FMO3: variants seen among roughly 807,000 people sequenced by gnomAD.
The protein encoded by FMO3 is flavin-containing monooxygenase 3.
A neutral mutation model predicts 39.4 loss-of-function variants in FMO3; 40 were observed. The observed-to-expected ratio is 1.02, with a 90% CI of 0.79 to 1.32. The LOEUF is 1.32. FMO3 is among the 40% of genes most tolerant of loss of function. The probability of loss-of-function intolerance (pLI) is 0.00; values close to 1 mark genes in which losing one functional copy is unlikely to be tolerated. For missense variants in FMO3, 680 were observed against 651.8 expected, an observed-to-expected ratio of 1.04 and a Z score of -0.47; for synonymous variants, 219 against 228.8, an observed-to-expected ratio of 0.96 and a Z score of 0.39.
At chr1:171,101,076 C>T (rs904926158) in intron 2 of FMO3, 1 of 455,798 alleles carries the variant, frequency 2.2e-6, no homozygotes, top group Admixed American at 2.4e-5. Flanking sequence ...TTGATGATGG[C>T]CAGAGGAGCC....
intron 6 of FMO3, among the ~76,000 whole-genome samples, chr1:171,111,867 G>A (rs1202904574): frequency 2.0e-5 from 3 of 152,188 alleles, no homozygotes; most frequent in East Asian, 3.9e-4. Flanking sequence ...TCTAAGTGGT[G>A]GGAAACAGAC....
intron 1 of FMO3, 91 bp from the exon 2 acceptor site, chr1:171,092,562 G>T: frequency 6.7e-7 from 1 of 1,488,732 alleles, no homozygotes; most frequent in Non-Finnish European, 9.3e-7. Flanking sequence ...TTTTTATTAA[G>T]CCAAAGAGCG....
intron 2 of FMO3, among the ~76,000 whole-genome samples, chr1:171,096,010 T>A (rs1274305156): frequency 1.9e-5 from 1 of 53,768 alleles, no homozygotes; most frequent in Non-Finnish European, 3.0e-5. Context: ...TATATTAATA[T>A]ACATATTATA....
chr1:171,098,349 G>C (rs1382314375), intron 2 of FMO3, among the ~76,000 whole-genome samples: 1 of 152,130 alleles, frequency 6.6e-6, no homozygotes, highest in Non-Finnish European at 1.5e-5. Flanking sequence ...AGCTTGATGG[G>C]GATGGCATTG....
chr1:171,109,526 C>CTTTCTTT (rs1655803604), intron 5 of FMO3, among the ~76,000 whole-genome samples: 1 of 58,994 alleles, frequency 1.7e-5, no homozygotes, highest in Non-Finnish European at 2.9e-5. Flanking sequence ...TTAGTCTCTT[C>CTTTCTTT]TTTTTTTTTT....
rs1279445358 is a variant in FMO3 at position 171,092,648 on chromosome 1, C to A, written c.-6-5C>A. On this transcript the variant is annotated splice_region_variant and splice_polypyrimidine_tract_variant and intron_variant, in intron 1 of 8. Transcript: ENST00000367755. ...ACTGGAAATGTTCTCTGGGCCTTTGCACAGGTTACCATGGGGAAGAAAGTG... is the reference window on the plus strand; with the variant it reads ...ACTGGAAATGTTCTCTGGGCCTTTGAACAGGTTACCATGGGGAAGAAAGTG... 3 of 1,614,080 alleles carry A rather than the reference C, an allele frequency of 1.9e-6. No homozygotes were observed. The Admixed American group carries it at 5.0e-5, about 27-fold the overall frequency.
chr1:171,102,812 A>C (rs1557938666), intron 2 of FMO3, among the ~76,000 whole-genome samples: 1 of 152,162 alleles, frequency 6.6e-6, no homozygotes, highest in South Asian at 2.1e-4. Flanking sequence ...CATTTCCTCT[A>C]AGGCTTTATT....
intron 3 of FMO3, among the ~76,000 whole-genome samples, chr1:171,104,383 A>G (rs1361573606): frequency 1.3e-5 from 2 of 152,132 alleles, no homozygotes; most frequent in Admixed American, 6.5e-5. Flanking sequence ...CTATATTTTC[A>G]TGAAAATTAT....
chr1:171,116,093 T>C (rs929851057), intron 7 of FMO3, 115 bp from the exon 8 acceptor site: 1 of 713,676 alleles, frequency 1.4e-6, no homozygotes, highest in Non-Finnish European at 2.6e-6. Flanking sequence ...TTGGTGTCTG[T>C]CTGAAAATGA....
chr1:171,110,470 C>CTTTGA (rs1285606870), intron 5 of FMO3, among the ~76,000 whole-genome samples: 1 of 152,128 alleles, frequency 6.6e-6, no homozygotes, highest in Admixed American at 6.5e-5. Flanking sequence ...AATACTTCCA[C>CTTTGA]AGGAAGGGAA....
chr1:171,102,396 C>T (rs1010503704), intron 2 of FMO3, among the ~76,000 whole-genome samples: 1 of 152,128 alleles, frequency 6.6e-6, no homozygotes, highest in Non-Finnish European at 1.5e-5. Flanking sequence ...AGAGCTAAAC[C>T]AAGGCTCCAC....
At chr1:171,116,775 A>G (rs1017965384) in intron 8 of FMO3, among the ~76,000 whole-genome samples, 1 of 152,246 alleles carries the variant, frequency 6.6e-6, no homozygotes, top group Non-Finnish European at 1.5e-5. Flanking sequence ...GAACTATTAT[A>G]GAAGGGTCAT....
chr1:171,098,307 G>C (rs1655200084), intron 2 of FMO3, among the ~76,000 whole-genome samples: 1 of 152,138 alleles, frequency 6.6e-6, no homozygotes, highest in Non-Finnish European at 1.5e-5. Context: ...CTTTAAAGTA[G>C]TTTTTTCAAT....
intron 6 of FMO3, among the ~76,000 whole-genome samples, chr1:171,113,416 A>C (rs375467364): frequency 6.6e-6 from 1 of 152,190 alleles, no homozygotes; most frequent in South Asian, 2.1e-4. Context: ...TGCAGCTCTC[A>C]CACCTTTGAC....
chr1:171,099,241 G>A (rs1013327983), intron 2 of FMO3, among the ~76,000 whole-genome samples: 1 of 152,144 alleles, frequency 6.6e-6, no homozygotes, highest in Non-Finnish European at 1.5e-5. Context: ...GTTCTAGTTT[G>A]ATTGCACTGT....
intron 6 of FMO3, among the ~76,000 whole-genome samples, chr1:171,113,152 C>G (rs905174810): frequency 2.0e-5 from 3 of 151,962 alleles, no homozygotes; most frequent in Non-Finnish European, 4.4e-5. Flanking sequence ...ACAGCTCCCA[C>G]AGCCATACAA....
chr1:171,116,535 C>T (rs1402928165), intron 8 of FMO3, among the ~76,000 whole-genome samples: 1 of 152,136 alleles, frequency 6.6e-6, no homozygotes, highest in Non-Finnish European at 1.5e-5. Flanking sequence ...AGTTTTAGCC[C>T]TCCATGCCTC....
At chr1:171,094,928 T>A (rs1654882662) in intron 2 of FMO3, among the ~76,000 whole-genome samples, 1 of 152,216 alleles carries the variant, frequency 6.6e-6, no homozygotes, top group Non-Finnish European at 1.5e-5. Context: ...TGGGCTTTTT[T>A]GGTTCCATAT....
chr1:171,111,765 C>T (rs1655922590), intron 6 of FMO3, among the ~76,000 whole-genome samples: 1 of 152,176 alleles, frequency 6.6e-6, no homozygotes, highest in Non-Finnish European at 1.5e-5. Flanking sequence ...ACATTTATTA[C>T]ACGTTTATTA....
Sources: allele counts gnomAD v4.1 joint callset (sites outside exome capture counted in the v4.1 genomes callset), GRCh38; gene constraint gnomAD v4.1.1; transcripts MANE v1.5; gene names NCBI Gene and HGNC (gene_info 2026-07-23, HGNC 2026-07-21).